The following DAOA variants were observed in gnomAD, a reference collection of about 807,000 sequenced individuals.
DAOA encodes the protein D-amino acid oxidase activator.
A neutral mutation model predicts 16.4 loss-of-function variants in DAOA; 15 were observed. The ratio of observed to expected loss-of-function variants is 0.91; its 90% CI spans 0.61 to 1.41. DAOA has a LOEUF of 1.41. Among genes scored for constraint, DAOA ranks in the 40% most tolerant of loss-of-function variants. The probability of loss-of-function intolerance (pLI) is 0.00; values close to 1 mark genes in which losing one functional copy is unlikely to be tolerated. For missense variants in DAOA, 230 were observed against 176.8 expected (o/e 1.30, Z -1.71); for synonymous variants, 75 against 59.1 (o/e 1.27, Z -1.23).
At chr13:105,473,548 T>C (rs1469176623) in intron 4 of DAOA, among the ~76,000 whole-genome samples, 6 of 152,192 alleles carry the variant, frequency 3.9e-5, no homozygotes, top group African/African-American at 7.2e-5. Context: ...TCTGAGGCTA[T>C]TTAAATTTGT....
chr13:105,467,863 T>C (rs1477454904), intron 3 of DAOA: 1 of 151,278 alleles, frequency 6.6e-6, no homozygotes, highest in Non-Finnish European at 1.5e-5. Flanking sequence ...CTATAACAAA[T>C]AAGCACAAAT....
chr13:105,469,654 A>G (rs992392147), intron 3 of DAOA, among the ~76,000 whole-genome samples: 4 of 152,168 alleles, frequency 2.6e-5, no homozygotes, highest in Non-Finnish European at 5.9e-5. Context: ...TCGTTTCCCT[A>G]CTCTGAAATA....
At position 105,490,108 on chromosome 13, in the gene DAOA, A is replaced by G. The variant is rs776161548; in HGVS notation, c.*27A>G. The stretch of plus-strand genomic sequence containing the variant: ...TTTGGAAGCAGATTCTTCCCAGCCA[A>G]TCCTTCTGATGACAATGTAGTCTGG... On this transcript the variant is annotated 3_prime_UTR_variant, in exon 5 of 6. Coordinates refer to ENST00000375936, the MANE Select transcript of DAOA (RefSeq NM_172370.5). 48 of 1,537,866 alleles carry G rather than the reference A, an allele frequency of 3.1e-5. No individual in the cohort carries two copies. The highest frequency in any genetic ancestry group is 1.2e-4 in the African/African-American group (9 of 72,668).
intron 4 of DAOA, among the ~76,000 whole-genome samples, chr13:105,478,888 G>T (rs947209251): frequency 3.9e-5 from 6 of 152,138 alleles, no homozygotes; most frequent in Non-Finnish European, 7.3e-5. Flanking sequence ...AAAAATGGGT[G>T]ATCTTCAATT....
Position 105,466,199 on chromosome 13 carries a change from T to C in DAOA, c.-73-17T>C. ...AGTAAAAGCTTACTAGTGTATATGA[T>C]GATTCTGTTGGTCCAGGATTTGGAA... On this transcript the variant is annotated splice_polypyrimidine_tract_variant and intron_variant, in intron 1 of 5. Coordinates refer to ENST00000375936, the MANE Select transcript of DAOA (RefSeq NM_172370.5). 1.3e-6 allele frequency: 2 copies of C among 1,596,184 alleles called. No homozygotes were observed. The highest frequency in any genetic ancestry group is 1.7e-5 in the Admixed American group (1 of 58,358).
chr13:105,466,410 G>C lies in DAOA; in HGVS notation c.44+78G>C. 2.5e-6 allele frequency: 4 copies of C among 1,606,158 alleles called. No individual in the cohort carries two copies. The South Asian group carries it at 4.5e-5, about 18-fold the overall frequency. On this transcript the variant is annotated intron_variant, in intron 2 of 5. Coordinates refer to ENST00000375936, the MANE Select transcript of DAOA (RefSeq NM_172370.5). Reference sequence around the variant, plus strand: ...TTGCATGGCAGCACAGAGCTCCCAGGGTGAATGTTCCTGGAGACAGGAAGT... The same window carrying C: ...TTGCATGGCAGCACAGAGCTCCCAGCGTGAATGTTCCTGGAGACAGGAAGT...
At chr13:105,481,729 TC>T (rs1877758100) in intron 4 of DAOA, among the ~76,000 whole-genome samples, 1 of 152,136 alleles carries the variant, frequency 6.6e-6, no homozygotes, top group African/African-American at 2.4e-5. Flanking sequence ...AAATTTTCTC[TC>T]TCCCTTGTAT....
chr13:105,486,283 C>T (rs1010502062), intron 4 of DAOA, among the ~76,000 whole-genome samples: 2 of 152,098 alleles, frequency 1.3e-5, no homozygotes, highest in Non-Finnish European at 2.9e-5. Flanking sequence ...GTATTCTAAT[C>T]ACCCTTGCTC....
At chr13:105,473,326 T>G (rs1358590527) in intron 4 of DAOA, among the ~76,000 whole-genome samples, 1 of 152,134 alleles carries the variant, frequency 6.6e-6, no homozygotes, top group Non-Finnish European at 1.5e-5. Flanking sequence ...AATTATTTAA[T>G]TATGTGTTCA....
At chr13:105,467,165 T>C (rs760726557) in intron 3 of DAOA, 24 bp downstream of exon 3, 2 of 1,564,888 alleles carry the variant, frequency 1.3e-6, no homozygotes, top group Admixed American at 3.7e-5. Context: ...TATCTTTATA[T>C]GAATTTAAAT....
intron 4 of DAOA, 89 bp downstream of exon 4, chr13:105,472,774 T>C (rs909455428): frequency 5.1e-6 from 6 of 1,185,058 alleles, no homozygotes; most frequent in Admixed American, 2.5e-5. Context: ...CTGGGCTTTT[T>C]AATATTAGAT....
At chr13:105,483,601 G>A (rs1439017148) in intron 4 of DAOA, among the ~76,000 whole-genome samples, 1 of 152,038 alleles carries the variant, frequency 6.6e-6, no homozygotes, top group African/African-American at 2.4e-5. Context: ...TTTTCCTAAT[G>A]ACTAATGATA....
At chr13:105,468,892 ATC>A (rs1566372620) in intron 3 of DAOA, among the ~76,000 whole-genome samples, 1 of 152,216 alleles carries the variant, frequency 6.6e-6, no homozygotes, top group African/African-American at 2.4e-5. Context: ...AAGAAGCGAG[ATC>A]TTGGAGCATA....
At chr13:105,488,879 A>G (rs1476718331) in intron 4 of DAOA, among the ~76,000 whole-genome samples, 1 of 152,204 alleles carries the variant, frequency 6.6e-6, no homozygotes, top group Non-Finnish European at 1.5e-5. Flanking sequence ...TTTTCAATCA[A>G]CATGGCTTGA....
intron 4 of DAOA, among the ~76,000 whole-genome samples, chr13:105,473,693 A>C (rs1877149264): frequency 6.6e-6 from 1 of 152,114 alleles, no homozygotes. Flanking sequence ...GTAATTCCAC[A>C]GTGATTTTTA....
chr13:105,482,550 C>T (rs1877824341), intron 4 of DAOA, among the ~76,000 whole-genome samples: 1 of 150,618 alleles, frequency 6.6e-6, no homozygotes, highest in South Asian at 2.1e-4. Flanking sequence ...CACTCTGTCA[C>T]CCAAGCTGGA....
In DAOA at chr13:105,466,296, A is replaced by C; in HGVS notation, c.8A>C (p.Glu3Ala). 6.2e-7 allele frequency: 1 copy of C among 1,614,034 alleles called. No individual in the cohort carries two copies. Among genetic ancestry groups the C allele is most frequent in the Non-Finnish European group, 8.5e-7 (1 of 1,179,934 alleles). Reference protein sequence around the residue: MLEKLMGADSLQL... With the variant: MLAKLMGADSLQL... ...TAGCTGGGAGGACCCAAAATGCTGG[A>C]AAAGCTGATGGGTGCTGATTCTCTC... The change falls in exon 2 of 6, where the codon GAA becomes GCA. Residue 3 changes from glutamate to alanine, a missense_variant. Physicochemically the swap from Glu to Ala is moderately radical, Grantham distance 107. Coordinates refer to ENST00000375936, the MANE Select transcript of DAOA (RefSeq NM_172370.5).
At position 105,489,891 on chromosome 13, in the gene DAOA, C is replaced by T. The variant is rs1878394299; in HGVS notation, c.282-10C>T. The T allele has an allele frequency of 6.2e-7, 1 of 1,613,724 alleles. No homozygotes were observed. The highest frequency in any genetic ancestry group is 1.7e-5 in the Admixed American group (1 of 59,954). On this transcript the variant is annotated splice_polypyrimidine_tract_variant and intron_variant, in intron 4 of 5. Transcript: ENST00000375936. ...AAGACCTGGCCAACTGAGACCGGAT[C>T]TCCTTACAGGCTTGAAGAAGTAAGC...
chr13:105,479,649 C>G lies in DAOA; in HGVS notation c.281+6964C>G, dbSNP rs557585678. Among the ~76,000 whole-genome samples, 41 of 152,222 alleles carry G rather than the reference C, an allele frequency of 2.7e-4. 1 individual carries two copies. The highest frequency in any genetic ancestry group is 4.9e-4 in the Non-Finnish European group (33 of 68,022). ...TCTGCTCCTCTTCCTAGAAAGACACCAGCAATATTGGATGTAGAGCCCACT... is the reference window on the plus strand; with the variant it reads ...TCTGCTCCTCTTCCTAGAAAGACACGAGCAATATTGGATGTAGAGCCCACT... On this transcript the variant is annotated intron_variant, in intron 4 of 5. Coordinates refer to ENST00000375936, the MANE Select transcript of DAOA (RefSeq NM_172370.5).
Sources: gnomAD v4.1 joint callset for allele counts (sites outside exome capture counted in the v4.1 genomes callset) on GRCh38, gnomAD v4.1.1 for gene constraint, MANE v1.5 for transcripts, NCBI Gene and HGNC (gene_info 2026-07-23, HGNC 2026-07-21) for gene names.